Variants in TNIK observed in about 807,000 individuals in gnomAD.
The protein encoded by TNIK is TRAF2 and NCK-interacting protein kinase.
TNIK carries 49 observed loss-of-function variants against 191.3 expected under a neutral mutation model. The ratio of observed to expected loss-of-function variants is 0.26; its 90% CI spans 0.20 to 0.32. TNIK has a LOEUF of 0.32. Among genes scored for constraint, TNIK ranks in the 10% least tolerant of loss-of-function variants. TNIK has a pLI of 1.00. For synonymous variants in TNIK, 594 were observed against 600.9 expected, an observed-to-expected ratio of 0.99 and a Z score of 0.17; for missense variants, 1,155 against 1,702.3, an observed-to-expected ratio of 0.68 and a Z score of 5.66.
At chr3:171,445,042 C>A (rs1213912275) in intron 1 of TNIK, among the ~76,000 whole-genome samples, 2 of 151,908 alleles carry the variant, frequency 1.3e-5, no homozygotes, top group South Asian at 2.1e-4. Flanking sequence ...AACATTTAGG[C>A]CAGTGGTTCT....
intron 2 of TNIK, among the ~76,000 whole-genome samples, chr3:171,319,238 A>C (rs1036286024): frequency 6.6e-6 from 1 of 152,126 alleles, no homozygotes; most frequent in Non-Finnish European, 1.5e-5. Flanking sequence ...ATGAAATTCT[A>C]TCTTGAGAAA....
At chr3:171,321,299 G>C (rs1045453402) in intron 2 of TNIK, among the ~76,000 whole-genome samples, 2 of 152,092 alleles carry the variant, frequency 1.3e-5, no homozygotes, top group African/African-American at 4.8e-5. Flanking sequence ...TGTTGTTTCA[G>C]AGAACAAGAA....
chr3:171,443,914 T>G (rs1195285959), intron 1 of TNIK, among the ~76,000 whole-genome samples: 1 of 150,894 alleles, frequency 6.6e-6, no homozygotes. Context: ...GCTATCCCTC[T>G]AAGTGTCAAT....
intron 3 of TNIK, among the ~76,000 whole-genome samples, chr3:171,226,231 T>C (rs891662273): frequency 7.2e-5 from 11 of 152,144 alleles, no homozygotes; most frequent in African/African-American, 2.7e-4. Context: ...ATACAGGCAA[T>C]GAAAGCAGAA....
intron 22 of TNIK, among the ~76,000 whole-genome samples, chr3:171,098,594 T>C (rs1723034199): frequency 6.6e-6 from 1 of 152,146 alleles, no homozygotes; most frequent in Admixed American, 6.5e-5. Flanking sequence ...ACCACAGCTG[T>C]TTGTCAAAAT....
intron 3 of TNIK, among the ~76,000 whole-genome samples, chr3:171,220,903 G>A (rs560472729): frequency 5.3e-5 from 8 of 152,242 alleles, no homozygotes; most frequent in Admixed American, 5.2e-4. Context: ...TAACATGTGA[G>A]CATACACATA....
chr3:171,264,019 T>A (rs1017653536), intron 2 of TNIK, among the ~76,000 whole-genome samples: 1 of 151,420 alleles, frequency 6.6e-6, no homozygotes, highest in African/African-American at 2.4e-5. Flanking sequence ...ATTTTATATA[T>A]GTATGTGTGT....
intron 22 of TNIK, among the ~76,000 whole-genome samples, chr3:171,097,356 G>A (rs1722865379): frequency 6.6e-6 from 1 of 152,180 alleles, no homozygotes; most frequent in Admixed American, 6.5e-5. Flanking sequence ...TTCCCATGAG[G>A]TTACAGGTTA....
chr3:171,188,634 T>C, intron 7 of TNIK, 68 bp downstream of exon 7: 2 of 1,578,332 alleles, frequency 1.3e-6, no homozygotes, highest in Non-Finnish European at 1.7e-6. Context: ...TATAAGGGCA[T>C]GTAAGACTTT....
At chr3:171,120,927 G>A (rs1353146885) in intron 18 of TNIK, among the ~76,000 whole-genome samples, 1 of 152,170 alleles carries the variant, frequency 6.6e-6, no homozygotes, top group Non-Finnish European at 1.5e-5. Flanking sequence ...CTGCGCCCTG[G>A]AGTCAGGCGG....
At chr3:171,115,848 C>G (rs1489406981) in intron 18 of TNIK, among the ~76,000 whole-genome samples, 1 of 152,178 alleles carries the variant, frequency 6.6e-6, no homozygotes, top group African/African-American at 2.4e-5. Flanking sequence ...GAGGCCTGGG[C>G]AGTGATGTCC....
rs59293515 is a variant in TNIK, at chr3:171,128,887, CAAAAAAAAAAA to C, written c.1609-20_1609-10del. 9.6e-6 allele frequency: 12 copies of C among 1,245,216 alleles called. No individual in the cohort carries two copies. In the African/African-American group the frequency reaches 2.2e-4, roughly 23 times the overall value. The allele number at this position is 1,245,216 out of a possible 1,614,324, so 77.1% of individuals were successfully genotyped here. On this transcript the variant is annotated splice_polypyrimidine_tract_variant and intron_variant, in intron 15 of 32. Transcript: ENST00000436636. ...CTTGACCGTTCTTCTACCTACAACCCAAAAAAAAAAAAAAAAAAAAGACAGCCTCAATGTAT... is the reference window on the plus strand; with the variant it reads ...CTTGACCGTTCTTCTACCTACAACCCAAAAAAAAAGACAGCCTCAATGTAT...
At chr3:171,133,267 A>G (rs1416442764) in intron 15 of TNIK, among the ~76,000 whole-genome samples, 1 of 152,208 alleles carries the variant, frequency 6.6e-6, no homozygotes, top group Non-Finnish European at 1.5e-5. Context: ...AAAAGTAATG[A>G]AGCAAAATCT....
At chr3:171,397,300 C>T (rs553456610) in intron 1 of TNIK, among the ~76,000 whole-genome samples, 209 of 152,328 alleles carry the variant, frequency 1.4e-3, no homozygotes, top group African/African-American at 5.0e-3. Context: ...GATTGATGGA[C>T]AGAGTGAGGT....
chr3:171,424,309 C>T (rs1057174293), intron 1 of TNIK, among the ~76,000 whole-genome samples: 2 of 152,044 alleles, frequency 1.3e-5, no homozygotes, highest in Admixed American at 6.6e-5. Flanking sequence ...GTTAGAAAGG[C>T]GATCATTAAA....
intron 1 of TNIK, among the ~76,000 whole-genome samples, chr3:171,373,345 C>A (rs566030049): frequency 2.0e-5 from 3 of 152,020 alleles, no homozygotes; most frequent in Non-Finnish European, 2.9e-5. Context: ...CTCACAGATT[C>A]TATAATATTT....
chr3:171,330,829 C>T (rs940068491), intron 2 of TNIK, among the ~76,000 whole-genome samples: 35 of 152,158 alleles, frequency 2.3e-4, no homozygotes, highest in Non-Finnish European at 1.5e-5. Flanking sequence ...CCATGTTAAT[C>T]TATTCTTACC....
intron 15 of TNIK, 119 bp downstream of exon 15, chr3:171,138,072 G>T: frequency 2.2e-6 from 2 of 924,824 alleles, no homozygotes; most frequent in Non-Finnish European, 2.9e-6. Flanking sequence ...CAAAGCATGT[G>T]TCTTATGATG....
chr3:171,291,323 T>C (rs532968873), intron 2 of TNIK, among the ~76,000 whole-genome samples: 6 of 152,358 alleles, frequency 3.9e-5, no homozygotes, highest in African/African-American at 1.4e-4. Context: ...ATCTGCCATT[T>C]CTGATGTTCT....
Sources: gnomAD v4.1 joint callset for allele counts (sites outside exome capture counted in the v4.1 genomes callset) on GRCh38, gnomAD v4.1.1 for gene constraint, MANE v1.5 for transcripts, NCBI Gene and HGNC (gene_info 2026-07-23, HGNC 2026-07-21) for gene names.